The following ZNF800 variants were observed in gnomAD, a reference collection of about 807,000 sequenced individuals.
ZNF800 encodes the protein zinc finger protein 800.
A neutral mutation model predicts 59.5 loss-of-function variants in ZNF800; 13 were observed. The observed-to-expected ratio is 0.22, with a 90% confidence interval of 0.14 to 0.35. The LOEUF (loss-of-function observed/expected upper bound fraction) is 0.35, where lower values mean the gene tolerates loss of function less well. ZNF800 is among the 10% of genes least tolerant of loss of function. The probability of loss-of-function intolerance (pLI) is 1.00; values close to 1 mark genes in which losing one functional copy is unlikely to be tolerated. For missense variants in ZNF800, 621 were observed against 783.7 expected, an observed-to-expected ratio of 0.79 and a Z score of 2.48; for synonymous variants, 266 against 265.7, an observed-to-expected ratio of 1.00 and a Z score of -0.01.
chr7:127,384,549 A>G (rs1318210422), intron 3 of ZNF800, among the ~76,000 whole-genome samples: 1 of 151,926 alleles, frequency 6.6e-6, no homozygotes. Context: ...CTAACTTCTC[A>G]ATAAAAAAAT....
chr7:127,390,037 T>C (rs17862371), intron 2 of ZNF800, among the ~76,000 whole-genome samples: 3,849 of 152,296 alleles, frequency 0.025, 76 homozygotes, highest in Non-Finnish European at 0.041. Context: ...TCACCACTTA[T>C]ATCCCCATTG....
intron 3 of ZNF800, among the ~76,000 whole-genome samples, chr7:127,384,181 G>GT (rs1291506772): frequency 2.4e-5 from 3 of 123,336 alleles, no homozygotes; most frequent in East Asian, 5.6e-4. Context: ...TGATAAGGCT[G>GT]TTTTTTAACA....
downstream of ZNF800, among the ~76,000 whole-genome samples, chr7:127,346,169 G>A (rs1800060535): frequency 6.6e-6 from 1 of 152,182 alleles, no homozygotes; most frequent in African/African-American, 2.4e-5. Context: ...GTGGTGACAA[G>A]ATGAGAAAGT....
At chr7:127,362,448 G>C (rs1377717211) in intron 1 of ZNF800, 1 of 152,138 alleles carries the variant, frequency 6.6e-6, no homozygotes, top group Non-Finnish European at 1.5e-5. Flanking sequence ...ATTAAGGTCT[G>C]TGAGAATGTA....
chr7:127,368,236 G>A (rs1356241998), downstream of ZNF800, among the ~76,000 whole-genome samples: 1 of 152,112 alleles, frequency 6.6e-6, no homozygotes, highest in East Asian at 1.9e-4. Context: ...ATAATTGTAG[G>A]TTTTAAGTGA....
intron 1 of ZNF800, among the ~76,000 whole-genome samples, chr7:127,352,608 A>C (rs753695830): frequency 4.6e-5 from 7 of 152,248 alleles, no homozygotes; most frequent in African/African-American, 7.2e-5. Context: ...TTTTTCATGT[A>C]GATTTGCCTA....
chr7:127,354,303 T>A (rs961042375), intron 1 of ZNF800, among the ~76,000 whole-genome samples: 1 of 152,124 alleles, frequency 6.6e-6, no homozygotes, highest in African/African-American at 2.4e-5. Flanking sequence ...AAATACTACA[T>A]CATGTTGCAC....
Position 127,386,245 on chromosome 7 carries a change from AATTAC to A in ZNF800, c.62-95_62-91del, listed in dbSNP as rs1420049555. On this transcript the variant is annotated intron_variant, in intron 2 of 5. Coordinates refer to ENST00000265827, the MANE Select transcript of ZNF800 (RefSeq NM_176814.5). The stretch of plus-strand genomic sequence containing the variant: ...TTAAAGTAAAACAATGGCTTTCTAC[AATTAC>A]ATTAAGGATAATCACACTTGTGCCC... 4.2e-6 allele frequency: 3 copies of A among 718,012 alleles called. No homozygotes were observed. The African/African-American group carries it at 5.4e-5, about 13-fold the overall frequency. 44.5% of individuals were successfully genotyped at this position (718,012 alleles called of 1,614,324 possible).
downstream of ZNF800, among the ~76,000 whole-genome samples, chr7:127,369,808 A>G (rs1325474162): frequency 1.3e-5 from 2 of 151,964 alleles, no homozygotes; most frequent in Non-Finnish European, 2.9e-5. Context: ...GGGTAGAGTA[A>G]GAGAATTCCA....
At chr7:127,354,300 A>T (rs1800227182) in intron 1 of ZNF800, among the ~76,000 whole-genome samples, 1 of 152,150 alleles carries the variant, frequency 6.6e-6, no homozygotes, top group Non-Finnish European at 1.5e-5. Context: ...GTGAAATACT[A>T]CATCATGTTG....
chr7:127,358,568 A>C (rs1299598009), intron 1 of ZNF800, among the ~76,000 whole-genome samples: 1 of 152,058 alleles, frequency 6.6e-6, no homozygotes, highest in Non-Finnish European at 1.5e-5. Context: ...AGCCTTCTTG[A>C]TTTGGCCATT....
At chr7:127,382,146 AATATT>A (rs1800996324) in intron 3 of ZNF800, among the ~76,000 whole-genome samples, 1 of 152,100 alleles carries the variant, frequency 6.6e-6, no homozygotes, top group Non-Finnish European at 1.5e-5. Context: ...CTCTTCTTAC[AATATT>A]ATATATTTCA....
At chr7:127,376,521 C>T (rs1324629950) in intron 4 of ZNF800, among the ~76,000 whole-genome samples, 1 of 151,886 alleles carries the variant, frequency 6.6e-6, no homozygotes, top group South Asian at 2.1e-4. Context: ...ACATTCTGTT[C>T]CAGAAAGACT....
At chr7:127,345,763 T>C (rs1311659133), downstream of ZNF800, among the ~76,000 whole-genome samples, 1 of 152,208 alleles carries the variant, frequency 6.6e-6, no homozygotes, top group Non-Finnish European at 1.5e-5. Context: ...AGGTTGTTGC[T>C]ACCACTCTAT....
chr7:127,392,386 G>T lies in ZNF800; in HGVS notation c.-385C>A, dbSNP rs1450258347. The T allele has an allele frequency of 2.6e-6, 1 of 380,206 alleles. No individual in the cohort carries two copies. Among genetic ancestry groups the T allele is most frequent in the Non-Finnish European group, 4.7e-6 (1 of 214,570 alleles). 23.6% of individuals were successfully genotyped at this position (380,206 alleles called of 1,614,324 possible). A position where few individuals can be genotyped will look rare whatever the true frequency, so the allele number is the denominator to read the frequency against. ...GAACCGCCCGGCAGCAGCTGCCGCC[G>T]CCACCACCGAAGGAGCCGGAACCGG... is the stretch of plus-strand genomic sequence containing the variant. On this transcript the variant is annotated 5_prime_UTR_variant, in exon 1 of 6. Coordinates refer to ENST00000265827, the MANE Select transcript of ZNF800 (RefSeq NM_176814.5).
chr7:127,387,272 T>C (rs1209826145), intron 2 of ZNF800, among the ~76,000 whole-genome samples: 1 of 152,178 alleles, frequency 6.6e-6, no homozygotes, highest in Non-Finnish European at 1.5e-5. Context: ...TTATCTCTTT[T>C]TTAAATATGC....
intron 4 of ZNF800, among the ~76,000 whole-genome samples, chr7:127,376,018 C>A (rs1350720632): frequency 6.6e-6 from 1 of 151,856 alleles, no homozygotes; most frequent in Non-Finnish European, 1.5e-5. Flanking sequence ...AACTCTACAA[C>A]TAAAAAATAA....
chr7:127,348,404 G>GAA (rs1396974769), intron 1 of ZNF800, among the ~76,000 whole-genome samples: 2 of 53,624 alleles, frequency 3.7e-5, no homozygotes, highest in Non-Finnish European at 8.0e-5. Context: ...ATCTATAATA[G>GAA]AAAAAAAAAA....
chr7:127,386,013 T>C, intron 3 of ZNF800, 47 bp downstream of exon 3: 1 of 1,336,130 alleles, frequency 7.5e-7, no homozygotes, highest in Non-Finnish European at 1.1e-6. Context: ...TAGGTAGTTT[T>C]TAACTACTAT....
Sources: allele counts gnomAD v4.1 joint callset (sites outside exome capture counted in the v4.1 genomes callset), GRCh38; gene constraint gnomAD v4.1.1; transcripts MANE v1.5; gene names NCBI Gene and HGNC (gene_info 2026-07-23, HGNC 2026-07-21).